Variants in KIF26B observed in about 807,000 individuals in gnomAD.
KIF26B encodes kinesin family member 26B, also known as kinesin-like protein KIF26B.
Under a neutral mutation model 151.2 loss-of-function variants are expected in KIF26B, and 63 were observed. That is an observed-to-expected ratio of 0.42 (90% CI 0.34 to 0.51). The LOEUF is 0.51. Among genes scored for constraint, KIF26B ranks in the 20% least tolerant of loss-of-function variants. The pLI, the probability that KIF26B is intolerant of heterozygous loss-of-function variation, is 0.07. For missense variants in KIF26B, 2,813 were observed against 2,913.6 expected (o/e 0.97, Z 0.79); for synonymous variants, 1,357 against 1,262.1 (o/e 1.08, Z -1.59).
At chr1:245,173,944 C>G (rs1223402231) in intron 2 of KIF26B, among the ~76,000 whole-genome samples, 1 of 152,124 alleles carries the variant, frequency 6.6e-6, no homozygotes, top group East Asian at 1.9e-4. Flanking sequence ...TGCCTGTGGT[C>G]GTTAGAAAAG....
In KIF26B at chr1:245,419,701, C is replaced by A; in HGVS notation, c.1122C>A (p.Ser374Arg). ...VPASQGSCVA[S>R]ETSTGTSVAA... Reference sequence around the variant, plus strand: ...CCTCGCAGGGCTCCTGCGTGGCCAGCGAGACTTCCACAGGCACATCGGTGG... The same window carrying A: ...CCTCGCAGGGCTCCTGCGTGGCCAGAGAGACTTCCACAGGCACATCGGTGG... Residue 374 changes from serine (S) to arginine (R), a missense_variant, in exon 4 of 15, where the codon AGC becomes AGA. This residue lies in a region of KIF26B where 676 missense variants were observed against 688.1 expected (regional missense o/e 0.98). Coordinates refer to ENST00000407071, the MANE Select transcript of KIF26B (RefSeq NM_018012.4). 1.2e-6 allele frequency: 2 copies of A among 1,613,408 alleles called. No individual in the cohort carries two copies. The highest frequency in any genetic ancestry group is 1.7e-6 in the Non-Finnish European group (2 of 1,179,582).
chr1:245,447,153 C>T (rs1659266159), intron 4 of KIF26B, among the ~76,000 whole-genome samples: 1 of 152,170 alleles, frequency 6.6e-6, no homozygotes. Context: ...CTGGTGCCTT[C>T]CTGGTGTGCT....
intron 4 of KIF26B, among the ~76,000 whole-genome samples, chr1:245,437,720 T>C (rs1180181698): frequency 3.3e-5 from 5 of 152,186 alleles, no homozygotes; most frequent in African/African-American, 1.2e-4. Flanking sequence ...AGCTCATAAA[T>C]TAAAAATAAC....
At chr1:245,340,012 A>G (rs1261693514) in intron 2 of KIF26B, among the ~76,000 whole-genome samples, 3 of 152,202 alleles carry the variant, frequency 2.0e-5, no homozygotes, top group African/African-American at 4.8e-5. Flanking sequence ...TTTCCCCCCA[A>G]TACTGGCTGG....
chr1:245,171,624 A>G (rs1668710895), intron 2 of KIF26B, among the ~76,000 whole-genome samples: 1 of 152,230 alleles, frequency 6.6e-6, no homozygotes. Flanking sequence ...AACACTGTAT[A>G]AATTGCCTTT....
chr1:245,444,820 T>G lies in KIF26B; in HGVS notation c.1166+25075T>G, dbSNP rs548109649. Among the ~76,000 whole-genome samples, 21 of 152,360 alleles carry G rather than the reference T, an allele frequency of 1.4e-4. No individual in the cohort carries two copies. In the South Asian group the frequency reaches 3.7e-3, roughly 27 times the overall value. On this transcript the variant is annotated intron_variant, in intron 4 of 14. Coordinates refer to ENST00000407071, the MANE Select transcript of KIF26B (RefSeq NM_018012.4). Reference sequence around the variant, plus strand: ...GCCCAAGACAGGGATCCTTCCCATCTGAAACCATGCTGTGACATGAAGTGC... The same window carrying G: ...GCCCAAGACAGGGATCCTTCCCATCGGAAACCATGCTGTGACATGAAGTGC...
intron 4 of KIF26B, among the ~76,000 whole-genome samples, chr1:245,454,195 A>G (rs988505976): frequency 6.6e-5 from 10 of 152,228 alleles, no homozygotes; most frequent in Non-Finnish European, 1.0e-4. Context: ...TGCACTATAC[A>G]GAGTCTCCTT....
chr1:245,222,355 T>G (rs10754447), intron 2 of KIF26B, among the ~76,000 whole-genome samples: 63,116 of 151,558 alleles, frequency 0.42, 13,915 homozygotes, highest in East Asian at 0.61. Flanking sequence ...GAGAATCGCT[T>G]AAACCCGGGA....
At chr1:245,646,073 G>A in intron 9 of KIF26B, 48 bp from the exon 10 acceptor site, 3 of 1,590,556 alleles carry the variant, frequency 1.9e-6, no homozygotes, top group Middle Eastern at 1.7e-4. Flanking sequence ...ACAGATGAGT[G>A]TTTGTCAGAA....
At chr1:245,160,643 A>C (rs1668516182) in intron 2 of KIF26B, among the ~76,000 whole-genome samples, 1 of 150,960 alleles carries the variant, frequency 6.6e-6, no homozygotes, top group African/African-American at 2.5e-5. Context: ...AATAAAAGAA[A>C]ATCTTTTATG....
At chr1:245,507,664 C>T (rs928682058) in intron 4 of KIF26B, among the ~76,000 whole-genome samples, 26 of 152,168 alleles carry the variant, frequency 1.7e-4, no homozygotes, top group African/African-American at 5.8e-4. Flanking sequence ...ATGTCCCCTC[C>T]ACATGGCCCC....
At chr1:245,220,399 C>T (rs2103548655) in intron 2 of KIF26B, among the ~76,000 whole-genome samples, 1 of 131,400 alleles carries the variant, frequency 7.6e-6, no homozygotes, top group East Asian at 2.4e-4. Flanking sequence ...GGTTCAGTGA[C>T]CAGACGATGG....
At chr1:245,541,864 A>G (rs76904087) in intron 5 of KIF26B, among the ~76,000 whole-genome samples, 1,588 of 152,160 alleles carry the variant, frequency 0.01, 24 homozygotes, top group East Asian at 0.059. Flanking sequence ...AAACACGGTC[A>G]TGGCTGGGTT....
chr1:245,684,077 C>T (rs2044474833), intron 10 of KIF26B, among the ~76,000 whole-genome samples, 156 bp from the exon 11 acceptor site: 1 of 152,220 alleles, frequency 6.6e-6, no homozygotes, highest in South Asian at 2.1e-4. Flanking sequence ...CTACAAATAG[C>T]CCCATGCTGG....
At chr1:245,455,429 G>A (rs1353435766) in intron 4 of KIF26B, among the ~76,000 whole-genome samples, 3 of 151,940 alleles carry the variant, frequency 2.0e-5, no homozygotes, top group Admixed American at 6.6e-5. Context: ...GCTTGAACCC[G>A]GGAGGCGGAG....
intron 4 of KIF26B, among the ~76,000 whole-genome samples, chr1:245,504,980 C>T (rs892573610): frequency 6.6e-6 from 1 of 152,092 alleles, no homozygotes; most frequent in Admixed American, 6.5e-5. Context: ...GCTCTGTCAC[C>T]CAGGCTGGAG....
At chr1:245,645,537 T>C (rs56887616) in intron 9 of KIF26B, among the ~76,000 whole-genome samples, 17,009 of 152,250 alleles carry the variant, frequency 0.11, 1,055 homozygotes, top group African/African-American at 0.17. Context: ...ATGATTCTAC[T>C]GTGGGAACTG....
At chr1:245,221,066 G>A (rs1182581828) in intron 2 of KIF26B, among the ~76,000 whole-genome samples, 2 of 152,176 alleles carry the variant, frequency 1.3e-5, no homozygotes, top group African/African-American at 4.8e-5. Flanking sequence ...GAGGCACATG[G>A]TGTCAGTTAA....
intron 2 of KIF26B, among the ~76,000 whole-genome samples, chr1:245,176,648 G>T (rs1668814253): frequency 6.6e-6 from 1 of 152,108 alleles, no homozygotes; most frequent in Non-Finnish European, 1.5e-5. Context: ...CCAGTCTAAA[G>T]GCTTCTAGGA....
Sources: gnomAD v4.1 joint callset for allele counts (sites outside exome capture counted in the v4.1 genomes callset) on GRCh38, gnomAD v4.1.1 for gene constraint, gnomAD v4.1.1 regional missense constraint, MANE v1.5 for transcripts, NCBI Gene and HGNC (gene_info 2026-07-23, HGNC 2026-07-21) for gene names.